Variants in IL1RAPL2 observed in about 807,000 individuals in gnomAD.
IL1RAPL2 encodes interleukin 1 receptor accessory protein like 2.
Under a neutral mutation model 44.1 loss-of-function variants are expected in IL1RAPL2, and 3 were observed. That is an observed-to-expected ratio of 0.07 (90% CI 0.03 to 0.18). IL1RAPL2 has a LOEUF of 0.18. IL1RAPL2 is among the 10% of genes least tolerant of loss of function. The pLI, the probability that IL1RAPL2 is intolerant of heterozygous loss-of-function variation, is 1.00. For missense variants in IL1RAPL2, 391 were observed against 496.4 expected, an observed-to-expected ratio of 0.79 and a Z score of 2.02; for synonymous variants, 181 against 178.8, an observed-to-expected ratio of 1.01 and a Z score of -0.10.
rs188139959 is a variant in IL1RAPL2 at position 105,353,360 on chromosome X, A to G, written c.697+85819A>G. 6.5e-4 allele frequency among the ~76,000 whole-genome samples: 72 copies of G among 111,579 alleles called. 1 individual carries two copies. Among genetic ancestry groups the G allele is most frequent in the African/African-American group, 2.2e-3 (69 of 30,692 alleles). On this transcript the variant is annotated intron_variant, in intron 5 of 10. Coordinates refer to ENST00000372582, the MANE Select transcript of IL1RAPL2 (RefSeq NM_017416.2). ...CTTGTAGTATAGTTTGAAGTCAGGT[A>G]GTGTGATGCCTCCAGCTTTGTTCTT...
At chrX:104,675,353 T>C (rs1287951552) in intron 2 of IL1RAPL2, among the ~76,000 whole-genome samples, 1 of 112,092 alleles carries the variant, frequency 8.9e-6, no homozygotes, top group Non-Finnish European at 1.9e-5. Flanking sequence ...CATTTCGTTA[T>C]GTACCCAGTG....
At chrX:104,945,896 T>A (rs920429167) in intron 2 of IL1RAPL2, among the ~76,000 whole-genome samples, 1 of 110,942 alleles carries the variant, frequency 9.0e-6, no homozygotes, top group East Asian at 2.8e-4. Flanking sequence ...TTTCTTTTTT[T>A]TTGTTGTTGC....
chrX:105,030,406 T>A (rs1040581087), intron 2 of IL1RAPL2, among the ~76,000 whole-genome samples: 8 of 112,055 alleles, frequency 7.1e-5, no homozygotes, highest in African/African-American at 2.3e-4. Flanking sequence ...TTAATCCATC[T>A]TGAATTAATT....
chrX:105,690,546 C>T (rs2038026980), intron 6 of IL1RAPL2, among the ~76,000 whole-genome samples: 1 of 111,459 alleles, frequency 9.0e-6, no homozygotes, highest in Non-Finnish European at 1.9e-5. Flanking sequence ...TTTATTAAGC[C>T]AAAATATTAA....
intron 6 of IL1RAPL2, among the ~76,000 whole-genome samples, chrX:105,664,971 CTCTT>C (rs1473982885): frequency 1.8e-4 from 20 of 112,203 alleles, no homozygotes; most frequent in African/African-American, 6.1e-4. Flanking sequence ...AACAAGATTT[CTCTT>C]TCTTATGATT....
intron 2 of IL1RAPL2, among the ~76,000 whole-genome samples, chrX:104,809,202 C>T (rs892628641): frequency 3.6e-5 from 4 of 111,801 alleles, no homozygotes; most frequent in Non-Finnish European, 3.8e-5. Flanking sequence ...GCTCCGCCTT[C>T]CCCTTAACAT....
intron 5 of IL1RAPL2, among the ~76,000 whole-genome samples, chrX:105,278,223 G>C (rs2034501461): frequency 9.0e-6 from 1 of 111,606 alleles, no homozygotes; most frequent in Admixed American, 9.6e-5. Flanking sequence ...TAGAGCACAT[G>C]ACAGCAGTAT....
chrX:104,605,539 G>A (rs1928989623), intron 1 of IL1RAPL2, among the ~76,000 whole-genome samples: 1 of 111,259 alleles, frequency 9.0e-6, no homozygotes, highest in African/African-American at 3.3e-5. Flanking sequence ...AGCTGGTTCT[G>A]TGAAAAGATC....
At chrX:104,917,182 G>A (rs1215414705) in intron 2 of IL1RAPL2, among the ~76,000 whole-genome samples, 1 of 111,484 alleles carries the variant, frequency 9.0e-6, no homozygotes, top group Non-Finnish European at 1.9e-5. Flanking sequence ...GAGTTCGGCT[G>A]TGAATCCATC....
chrX:104,861,437 A>G (rs1345393733), intron 2 of IL1RAPL2, among the ~76,000 whole-genome samples: 3 of 111,508 alleles, frequency 2.7e-5, no homozygotes, highest in Middle Eastern at 4.6e-3. Context: ...AATATAGACT[A>G]TCCTCAACTT....
chrX:104,631,657 A>C (rs1929652540), intron 1 of IL1RAPL2, among the ~76,000 whole-genome samples: 1 of 111,922 alleles, frequency 8.9e-6, no homozygotes, highest in East Asian at 2.8e-4. Context: ...GTGTCTGCTC[A>C]TATCCTTTGC....
chrX:105,355,020 G>A (rs1050918263), intron 5 of IL1RAPL2, among the ~76,000 whole-genome samples: 2 of 111,322 alleles, frequency 1.8e-5, no homozygotes, highest in African/African-American at 6.5e-5. Context: ...GTCATCTTTA[G>A]CTCCCCAATT....
chrX:105,055,738 C>A (rs1196606585), intron 2 of IL1RAPL2, among the ~76,000 whole-genome samples: 1 of 111,010 alleles, frequency 9.0e-6, no homozygotes, highest in African/African-American at 3.3e-5. Flanking sequence ...TTAGAATTGC[C>A]CACAGTTACA....
intron 6 of IL1RAPL2, among the ~76,000 whole-genome samples, chrX:105,557,036 G>C (rs968043706): frequency 9.0e-6 from 1 of 111,726 alleles, no homozygotes; most frequent in East Asian, 2.8e-4. Flanking sequence ...ATTTCCTTTT[G>C]ATCTCTCATA....
intron 2 of IL1RAPL2, among the ~76,000 whole-genome samples, chrX:104,761,988 C>T (rs866857676): frequency 3.9e-5 from 3 of 77,814 alleles, no homozygotes; most frequent in African/African-American, 5.0e-5. Context: ...CTTCTTCCTC[C>T]TCCTCCTCTT....
intron 5 of IL1RAPL2, among the ~76,000 whole-genome samples, chrX:105,349,346 T>G (rs2035135076): frequency 8.9e-6 from 1 of 112,318 alleles, no homozygotes; most frequent in African/African-American, 3.2e-5. Context: ...ACAGGCCTTG[T>G]AAGGTCTATA....
At chrX:104,652,425 TA>T (rs1447887880) in intron 1 of IL1RAPL2, among the ~76,000 whole-genome samples, 1 of 112,253 alleles carries the variant, frequency 8.9e-6, no homozygotes, top group African/African-American at 3.2e-5. Flanking sequence ...AAACATTTGA[TA>T]AGATGTTATC....
intron 1 of IL1RAPL2, among the ~76,000 whole-genome samples, chrX:104,607,341 T>C (rs1218397488): frequency 8.9e-6 from 1 of 112,025 alleles, no homozygotes; most frequent in African/African-American, 3.2e-5. Flanking sequence ...AAAGACTTCA[T>C]GTCTAAAACA....
intron 2 of IL1RAPL2, among the ~76,000 whole-genome samples, chrX:104,829,190 T>C (rs1921543871): frequency 8.9e-6 from 1 of 111,845 alleles, no homozygotes; most frequent in Non-Finnish European, 1.9e-5. Context: ...AAAAAAACTC[T>C]TGCAGCTAGC....
Sources: gnomAD v4.1 joint callset for allele counts (sites outside exome capture counted in the v4.1 genomes callset) on GRCh38, gnomAD v4.1.1 for gene constraint, MANE v1.5 for transcripts, NCBI Gene and HGNC (gene_info 2026-07-23, HGNC 2026-07-21) for gene names.